Variants in TBC1D19 observed in about 807,000 individuals in gnomAD.
TBC1D19 encodes the protein TBC1 domain family member 19, also known as TBC1 domain family, member 19.
A neutral mutation model predicts 89.0 loss-of-function variants in TBC1D19; 60 were observed. That is an observed-to-expected ratio of 0.67 (90% CI 0.55 to 0.84). TBC1D19 has a LOEUF of 0.84. TBC1D19 is among the 40% of genes least tolerant of loss of function. TBC1D19 has a pLI of 0.00. For synonymous variants in TBC1D19, 189 were observed against 199.7 expected (o/e 0.95, Z 0.45); for missense variants, 500 against 610.8 (o/e 0.82, Z 1.91).
At chr4:26,612,166 G>C (rs1455533505) in intron 1 of TBC1D19, among the ~76,000 whole-genome samples, 3 of 151,288 alleles carry the variant, frequency 2.0e-5, no homozygotes, top group African/African-American at 7.3e-5. Flanking sequence ...CTGGGGGACA[G>C]CTTATCATCT....
intron 3 of TBC1D19, 23 bp downstream of exon 3, chr4:26,614,476 C>G (rs780099075): frequency 1.5e-5 from 23 of 1,563,118 alleles, no homozygotes; most frequent in Non-Finnish European, 1.6e-5. Context: ...ACCTATTTTA[C>G]AATAGTATTT....
intron 15 of TBC1D19, among the ~76,000 whole-genome samples, chr4:26,728,804 G>A (rs937769752): frequency 1.3e-5 from 2 of 152,158 alleles, no homozygotes; most frequent in Non-Finnish European, 2.9e-5. Flanking sequence ...ACGAGGTCAG[G>A]AGATCGAGAC....
At chr4:26,721,076 A>G (rs1483650317) in intron 15 of TBC1D19, among the ~76,000 whole-genome samples, 3 of 151,674 alleles carry the variant, frequency 2.0e-5, no homozygotes, top group African/African-American at 7.3e-5. Context: ...CCCTCTTTTA[A>G]TATCTCACTC....
chr4:26,619,305 C>T (rs756628041), intron 3 of TBC1D19, among the ~76,000 whole-genome samples: 5 of 151,510 alleles, frequency 3.3e-5, no homozygotes, highest in South Asian at 2.1e-4. Context: ...CCCAGGTTCA[C>T]GCCATTCTCC....
intron 7 of TBC1D19, among the ~76,000 whole-genome samples, chr4:26,646,525 C>A (rs186631600): frequency 2.0e-5 from 3 of 152,096 alleles, no homozygotes; most frequent in African/African-American, 2.4e-5. Flanking sequence ...ATGTTTATTG[C>A]GGTACTATTC....
At chr4:26,726,924 G>A (rs1467673603) in intron 15 of TBC1D19, among the ~76,000 whole-genome samples, 1 of 152,114 alleles carries the variant, frequency 6.6e-6, no homozygotes, top group Non-Finnish European at 1.5e-5. Flanking sequence ...TTTAGTTAAC[G>A]ATGTTTGCCA....
rs1442787230 is a variant in TBC1D19, at chr4:26,701,789, TTAAC to T, written c.954+13388_954+13391del. On this transcript the variant is annotated intron_variant, in intron 13 of 20. Transcript: ENST00000264866. ...TAAATATCTACCACTTGGCAAAAAT[TTAAC>T]TAACTCACTAAAAGTTTTTGGTCCT... Among the ~76,000 whole-genome samples, 6 of 152,268 alleles carry T rather than the reference TTAAC, an allele frequency of 3.9e-5. No individual in the cohort carries two copies. In the East Asian group the frequency reaches 9.6e-4, roughly 24 times the overall value.
the TBC1D19 span, among the ~76,000 whole-genome samples, chr4:26,808,564 T>A: frequency 6.6e-6 from 1 of 151,476 alleles, no homozygotes. Flanking sequence ...CCTTCTCTAC[T>A]AAAATACAAA....
intron 8 of TBC1D19, among the ~76,000 whole-genome samples, chr4:26,664,457 A>G (rs1179448693): frequency 6.6e-6 from 1 of 152,202 alleles, no homozygotes; most frequent in African/African-American, 2.4e-5. Context: ...TTTGTTGGGT[A>G]TAAGTCCCTT....
the TBC1D19 span, among the ~76,000 whole-genome samples, chr4:26,799,098 T>C: frequency 1.3e-5 from 2 of 152,142 alleles, no homozygotes. Context: ...TAAGTAGAGA[T>C]GCTAGAATGA....
chr4:26,826,528 A>T, the TBC1D19 span, among the ~76,000 whole-genome samples: 1 of 152,396 alleles, frequency 6.6e-6, no homozygotes, highest in East Asian at 1.9e-4. Context: ...TTAAGATATT[A>T]GAGCTGTTAC....
chr4:26,593,730 C>T (rs941096656), intron 1 of TBC1D19, among the ~76,000 whole-genome samples: 3 of 152,144 alleles, frequency 2.0e-5, no homozygotes, highest in African/African-American at 4.8e-5. Flanking sequence ...CCAAAAGACA[C>T]GTGAAATAAT....
intron 5 of TBC1D19, among the ~76,000 whole-genome samples, chr4:26,637,873 T>C (rs6842481): frequency 0.043 from 6,519 of 152,292 alleles, 477 homozygotes; most frequent in African/African-American, 0.15. Context: ...ATTAGGAATA[T>C]GCTTTAAAGA....
chr4:26,835,575 G>A, the TBC1D19 span, among the ~76,000 whole-genome samples: 3 of 152,124 alleles, frequency 2.0e-5, no homozygotes, highest in Non-Finnish European at 2.9e-5. Context: ...CCTTGACTCC[G>A]TTTCCCAGGT....
At chr4:26,639,152 G>C (rs1005593483) in intron 6 of TBC1D19, among the ~76,000 whole-genome samples, 5 of 152,152 alleles carry the variant, frequency 3.3e-5, no homozygotes, top group African/African-American at 1.2e-4. Flanking sequence ...GGGCTCAGAG[G>C]GTCCTTTCAC....
In TBC1D19 at chr4:26,584,133, T is replaced by C; in HGVS notation, c.-61T>C. The stretch of plus-strand genomic sequence containing the variant: ...GTCACTGGCCCTGAGTGGGACCCGG[T>C]AGCCCGTTCGCTCCGCGCCGGCGGC... On this transcript the variant is annotated 5_prime_UTR_variant, in exon 1 of 21. Coordinates refer to ENST00000264866, the MANE Select transcript of TBC1D19 (RefSeq NM_018317.4). 3 of 1,539,704 alleles carry C rather than the reference T, an allele frequency of 1.9e-6. No homozygotes were observed. The highest frequency in any genetic ancestry group is 2.7e-6 in the Non-Finnish European group (3 of 1,128,994).
At chr4:26,852,050 T>C in the TBC1D19 span, among the ~76,000 whole-genome samples, 1 of 152,262 alleles carries the variant, frequency 6.6e-6, no homozygotes, top group African/African-American at 2.4e-5. Flanking sequence ...ATCCAATTAC[T>C]TACTGATGTT....
At chr4:26,637,402 T>C in intron 5 of TBC1D19, 117 bp downstream of exon 5, 1 of 812,682 alleles carries the variant, frequency 1.2e-6, no homozygotes, top group South Asian at 2.2e-5. Flanking sequence ...AGACAGAGTC[T>C]TGCTCTGTCA....
At chr4:26,675,889 G>C (rs1712758982) in intron 11 of TBC1D19, among the ~76,000 whole-genome samples, 3 of 152,098 alleles carry the variant, frequency 2.0e-5, no homozygotes, top group African/African-American at 7.2e-5. Context: ...ACTTTGAATA[G>C]AATATTATCT....
Sources: gnomAD v4.1 joint callset for allele counts (sites outside exome capture counted in the v4.1 genomes callset) on GRCh38, gnomAD v4.1.1 for gene constraint, MANE v1.5 for transcripts, NCBI Gene and HGNC (gene_info 2026-07-23, HGNC 2026-07-21) for gene names.